Variants in SPMIP4 observed in about 807,000 individuals in gnomAD.
The protein encoded by SPMIP4 is sperm microtubule inner protein 4.
the SPMIP4 span, among the ~76,000 whole-genome samples, chr7:25,175,289 C>T: frequency 1.3e-5 from 2 of 152,040 alleles, no homozygotes; most frequent in African/African-American, 2.4e-5. Context: ...GAAAGAGTCT[C>T]GCTCTGTTGC....
the SPMIP4 span, among the ~76,000 whole-genome samples, chr7:25,163,177 A>C: frequency 2.6e-5 from 4 of 152,384 alleles, no homozygotes; most frequent in South Asian, 6.2e-4. The surrounding 1 kb of genome is among the most constrained non-coding windows in gnomAD (Gnocchi z 4.4). Context: ...ATGACGGCTA[A>C]TAATCTATGA....
the SPMIP4 span, among the ~76,000 whole-genome samples, chr7:25,176,229 A>C: frequency 6.6e-6 from 1 of 152,254 alleles, no homozygotes; most frequent in African/African-American, 2.4e-5. This position sits in a 1 kb window ranked among gnomAD's most constrained non-coding sequence, Gnocchi z 4.4. Context: ...AGAGGGGATC[A>C]ACATTTCAGT....
the SPMIP4 span, among the ~76,000 whole-genome samples, chr7:25,155,477 C>T: frequency 3.3e-5 from 5 of 151,886 alleles, no homozygotes; most frequent in East Asian, 7.8e-4. Flanking sequence ...TTTCATAACT[C>T]GTATAAAAAA....
At chr7:25,172,040 A>T in the SPMIP4 span, among the ~76,000 whole-genome samples, 10 of 152,228 alleles carry the variant, frequency 6.6e-5, no homozygotes, top group African/African-American at 2.2e-4. This position sits in a 1 kb window ranked among gnomAD's most constrained non-coding sequence, Gnocchi z 4.2. Flanking sequence ...AGTTATCTAG[A>T]GGAAACAGAA....
At chr7:25,144,075 A>G in the SPMIP4 span, among the ~76,000 whole-genome samples, 11 of 152,192 alleles carry the variant, frequency 7.2e-5, no homozygotes, top group Non-Finnish European at 1.3e-4. Flanking sequence ...GCAGGAGCAG[A>G]GGTATGGATA....
chr7:25,137,508 TG>T, the SPMIP4 span, among the ~76,000 whole-genome samples: 1 of 152,238 alleles, frequency 6.6e-6, no homozygotes, highest in South Asian at 2.1e-4. Flanking sequence ...CTCATAGTTC[TG>T]GAAGTTCAGC....
At chr7:25,136,023 C>G in the SPMIP4 span, 3 of 1,613,414 alleles carry the variant, frequency 1.9e-6, no homozygotes, top group Non-Finnish European at 2.5e-6. The surrounding 1 kb of genome is among the most constrained non-coding windows in gnomAD (Gnocchi z 5.7). Flanking sequence ...GCTTCATCCC[C>G]GAATGCTCAT....
chr7:25,167,329 G>A, the SPMIP4 span, among the ~76,000 whole-genome samples: 1 of 152,210 alleles, frequency 6.6e-6, no homozygotes, highest in Non-Finnish European at 1.5e-5. Context: ...GAAAGGTGCT[G>A]AATCTCTTGG....
chr7:25,175,249 T>C, the SPMIP4 span, among the ~76,000 whole-genome samples: 1 of 152,056 alleles, frequency 6.6e-6, no homozygotes, highest in Non-Finnish European at 1.5e-5. Flanking sequence ...CACCTATTTT[T>C]GTATTGTTTT....
chr7:25,157,071 A>T, the SPMIP4 span, among the ~76,000 whole-genome samples: 2 of 152,174 alleles, frequency 1.3e-5, no homozygotes, highest in Non-Finnish European at 2.9e-5. Context: ...AAAAAAAAGA[A>T]AGCCAAAACC....
chr7:25,142,283 C>T, the SPMIP4 span: 1 of 1,613,418 alleles, frequency 6.2e-7, no homozygotes, highest in East Asian at 2.2e-5. Flanking sequence ...ACTCTGCTAC[C>T]ATCTTTTCAT....
the SPMIP4 span, chr7:25,134,918 C>T: frequency 1.0e-6 from 1 of 985,246 alleles, no homozygotes; most frequent in Non-Finnish European, 1.2e-6. Context: ...TACTTCCTGT[C>T]ATAATGTAAC....
the SPMIP4 span, among the ~76,000 whole-genome samples, chr7:25,157,953 T>C: frequency 2.0e-5 from 3 of 152,220 alleles, no homozygotes; most frequent in African/African-American, 7.2e-5. Flanking sequence ...AATAATTCTA[T>C]AAACCTAAAA....
chr7:25,172,607 G>A, the SPMIP4 span, among the ~76,000 whole-genome samples: 1,805 of 152,264 alleles, frequency 0.012, 18 homozygotes, highest in Non-Finnish European at 0.016. This position sits in a 1 kb window ranked among gnomAD's most constrained non-coding sequence, Gnocchi z 4.2. Context: ...TCACATCTGG[G>A]TCAGTGTGTT....
the SPMIP4 span, among the ~76,000 whole-genome samples, chr7:25,130,493 T>G: frequency 6.6e-6 from 1 of 151,990 alleles, no homozygotes; most frequent in Admixed American, 6.5e-5. Flanking sequence ...TTTGTATTTC[T>G]AGTAGAAACA....
the SPMIP4 span, among the ~76,000 whole-genome samples, chr7:25,174,330 A>T: frequency 0.1 from 13,123 of 126,116 alleles, 717 homozygotes; most frequent in Non-Finnish European, 0.17. The surrounding 1 kb of genome is among the most constrained non-coding windows in gnomAD (Gnocchi z 4.5). Context: ...AATAAAATAC[A>T]TCTCTATAAC....
At chr7:25,135,779 T>A in the SPMIP4 span, 1 of 1,283,916 alleles carries the variant, frequency 7.8e-7, no homozygotes, top group Non-Finnish European at 9.8e-7. Context: ...GTTAAACTTT[T>A]CAAGAAGTCA....
At chr7:25,146,989 A>G in the SPMIP4 span, among the ~76,000 whole-genome samples, 4 of 152,196 alleles carry the variant, frequency 2.6e-5, no homozygotes, top group African/African-American at 9.7e-5. Context: ...AGCCCAGAAG[A>G]GTCAAGTATT....
At chr7:25,156,389 C>T in the SPMIP4 span, among the ~76,000 whole-genome samples, 20 of 152,036 alleles carry the variant, frequency 1.3e-4, no homozygotes, top group Non-Finnish European at 2.9e-4. Context: ...GAAATATGAC[C>T]TAACAAAAAG....
Sources: allele counts gnomAD v4.1 joint callset (sites outside exome capture counted in the v4.1 genomes callset), GRCh38; gene constraint gnomAD v4.1.1; non-coding constraint Gnocchi (gnomAD v3.1); transcripts MANE v1.5; gene names NCBI Gene and HGNC (gene_info 2026-07-23, HGNC 2026-07-21).